CNTNAP2: variants seen among roughly 807,000 people sequenced by gnomAD.
The protein encoded by CNTNAP2 is contactin-associated protein-like 2.
Under a neutral mutation model 155.2 loss-of-function variants are expected in CNTNAP2, and 98 were observed. The ratio of observed to expected loss-of-function variants is 0.63; its 90% CI spans 0.54 to 0.75. The LOEUF (loss-of-function observed/expected upper bound fraction) is 0.75, where lower values mean the gene tolerates loss of function less well. Among genes scored for constraint, CNTNAP2 ranks in the 30% least tolerant of loss-of-function variants. The pLI, the probability that CNTNAP2 is intolerant of heterozygous loss-of-function variation, is 0.00. For missense variants in CNTNAP2, 1,727 were observed against 1,688.1 expected (o/e 1.02, Z -0.40); for synonymous variants, 651 against 631.2 (o/e 1.03, Z -0.47).
intron 10 of CNTNAP2, among the ~76,000 whole-genome samples, chr7:147,446,232 T>G (rs1797737767): frequency 6.6e-6 from 1 of 151,268 alleles, no homozygotes; most frequent in African/African-American, 2.4e-5. Flanking sequence ...ACTTTTGAGC[T>G]ATCATGTTTT....
chr7:146,708,404 C>T (rs1459910610), intron 1 of CNTNAP2, among the ~76,000 whole-genome samples: 2 of 151,438 alleles, frequency 1.3e-5, no homozygotes, highest in Non-Finnish European at 2.9e-5. Context: ...TTTTGTGGTT[C>T]TCTCTTAGGA....
At chr7:146,746,220 G>A (rs575778019) in intron 1 of CNTNAP2, among the ~76,000 whole-genome samples, 2 of 152,072 alleles carry the variant, frequency 1.3e-5, no homozygotes, top group Non-Finnish European at 2.9e-5. Context: ...AAATGTGTTG[G>A]TCATAAAAGT....
chr7:147,146,368 A>C (rs1182802579), intron 8 of CNTNAP2: 2 of 152,804 alleles, frequency 1.3e-5, no homozygotes, highest in African/African-American at 4.8e-5. Flanking sequence ...TAGCTCTGGG[A>C]GGAGGCCATG....
chr7:147,398,288 G>A (rs757074113), intron 10 of CNTNAP2, among the ~76,000 whole-genome samples: 10 of 151,900 alleles, frequency 6.6e-5, no homozygotes, highest in South Asian at 6.2e-4. Flanking sequence ...CAACTGCCCC[G>A]TATCTACAAC....
intron 8 of CNTNAP2, among the ~76,000 whole-genome samples, chr7:147,142,350 G>C (rs1185464425): frequency 6.6e-6 from 1 of 152,096 alleles, no homozygotes; most frequent in African/African-American, 2.4e-5. Flanking sequence ...TTTTGTCATT[G>C]GTTCTGTTTA....
intron 8 of CNTNAP2, among the ~76,000 whole-genome samples, chr7:147,267,190 T>C (rs1804631624): frequency 1.3e-5 from 2 of 152,238 alleles, no homozygotes; most frequent in South Asian, 4.1e-4. Flanking sequence ...TAAATGCTTT[T>C]GGTATTGCTG....
At chr7:147,972,028 C>T (rs926835305) in intron 14 of CNTNAP2, among the ~76,000 whole-genome samples, 3 of 152,116 alleles carry the variant, frequency 2.0e-5, no homozygotes, top group Non-Finnish European at 4.4e-5. Context: ...TATTGCCTCT[C>T]CTTTTGATTA....
At chr7:148,275,647 C>G (rs767894506) in intron 21 of CNTNAP2, among the ~76,000 whole-genome samples, 1 of 152,324 alleles carries the variant, frequency 6.6e-6, no homozygotes, top group Admixed American at 6.5e-5. Flanking sequence ...TGCCCAGGAG[C>G]TCTTTGGGGC....
rs183051547 is a variant in CNTNAP2, at chr7:147,166,593, C to T, written c.1348+34084C>T. ...CCGTGTGAAGAGACCACCAAACAGG[C>T]TTTGTGTGAGCAATAAAGCTGTTTA... On this transcript the variant is annotated intron_variant, in intron 8 of 23. Transcript: ENST00000361727. 1.5e-3 allele frequency among the ~76,000 whole-genome samples: 231 copies of T among 152,208 alleles called. 2 individuals are homozygous for T. The highest frequency in any genetic ancestry group is 5.2e-3 in the African/African-American group (214 of 41,510).
chr7:146,433,045 C>T (rs1044099929), intron 1 of CNTNAP2, among the ~76,000 whole-genome samples: 3 of 152,122 alleles, frequency 2.0e-5, no homozygotes, highest in African/African-American at 7.2e-5. Context: ...CTGAATTATC[C>T]TTCCTCCTAA....
intron 13 of CNTNAP2, among the ~76,000 whole-genome samples, chr7:147,821,665 G>A (rs1798363170): frequency 6.6e-6 from 1 of 151,972 alleles, no homozygotes; most frequent in Non-Finnish European, 1.5e-5. Flanking sequence ...GTGTTGGGGA[G>A]GAACCTGCAA....
At chr7:147,801,714 T>G (rs1022563871) in intron 13 of CNTNAP2, among the ~76,000 whole-genome samples, 1 of 152,170 alleles carries the variant, frequency 6.6e-6, no homozygotes, top group African/African-American at 2.4e-5. Context: ...AAGTCTCCCA[T>G]GTCTACTTCT....
At chr7:148,256,498 C>A (rs1796456035) in intron 20 of CNTNAP2, among the ~76,000 whole-genome samples, 1 of 152,166 alleles carries the variant, frequency 6.6e-6, no homozygotes, top group South Asian at 2.1e-4. Flanking sequence ...CCCCCCAGGC[C>A]ACCTCTCCTC....
rs186714116 is a variant in CNTNAP2 at position 147,694,967 on chromosome 7, C to T, written c.2098+55661C>T. On this transcript the variant is annotated intron_variant, in intron 13 of 23. Transcript: ENST00000361727. ...TTTAGATCTTTTTTTCTAATATATG[C>T]ATTTAGTGTTACAATTTCCCTCTAA... Among the ~76,000 whole-genome samples the T allele has an allele frequency of 3.4e-3, 511 of 152,124 alleles. 2 individuals are homozygous for T. The highest frequency in any genetic ancestry group is 0.012 in the African/African-American group (495 of 41,490).
At chr7:147,066,900 C>T (rs78257567) in intron 4 of CNTNAP2, among the ~76,000 whole-genome samples, 3,839 of 152,228 alleles carry the variant, frequency 0.025, 125 homozygotes, top group African/African-American at 0.081. Context: ...CTAGCATCAT[C>T]GAGTTTGGGT....
intron 1 of CNTNAP2, among the ~76,000 whole-genome samples, chr7:146,484,091 A>G (rs1797020452): frequency 1.3e-5 from 2 of 152,298 alleles, no homozygotes; most frequent in African/African-American, 4.8e-5. Flanking sequence ...TTTTATGTTT[A>G]TATATCTTTA....
intron 1 of CNTNAP2, among the ~76,000 whole-genome samples, chr7:146,453,505 A>G (rs1796511829): frequency 6.6e-6 from 1 of 152,230 alleles, no homozygotes; most frequent in Non-Finnish European, 1.5e-5. Context: ...CCAATGAGGT[A>G]AAATTCACAA....
At chr7:146,196,452 G>T (rs1431348213) in intron 1 of CNTNAP2, among the ~76,000 whole-genome samples, 1 of 152,022 alleles carries the variant, frequency 6.6e-6, no homozygotes, top group Non-Finnish European at 1.5e-5. Flanking sequence ...TGGAGGATTA[G>T]TTACAGTTCA....
intron 13 of CNTNAP2, among the ~76,000 whole-genome samples, chr7:147,692,500 A>T (rs1317355308): frequency 6.6e-6 from 1 of 152,120 alleles, no homozygotes; most frequent in Admixed American, 6.6e-5. Context: ...TCATTGCTTC[A>T]CATTCTTGGC....
Sources: gnomAD v4.1 joint callset for allele counts (sites outside exome capture counted in the v4.1 genomes callset) on GRCh38, gnomAD v4.1.1 for gene constraint, MANE v1.5 for transcripts, NCBI Gene and HGNC (gene_info 2026-07-23, HGNC 2026-07-21) for gene names.